ZNF787: variants seen among roughly 807,000 people sequenced by gnomAD.
ZNF787 encodes zinc finger protein 787.
Under a neutral mutation model 16.9 loss-of-function variants are expected in ZNF787, and 7 were observed. The observed-to-expected ratio is 0.42, with a 90% CI of 0.24 to 0.78. The LOEUF (loss-of-function observed/expected upper bound fraction) is 0.78. ZNF787 is among the 30% of genes least tolerant of loss of function. The probability of loss-of-function intolerance (pLI) is 0.30; values close to 1 mark genes in which losing one functional copy is unlikely to be tolerated. For synonymous variants in ZNF787, 345 were observed against 270.9 expected (o/e 1.27, Z -2.69); for missense variants, 551 against 589.3 (o/e 0.94, Z 0.67).
intron 1 of ZNF787, among the ~76,000 whole-genome samples, chr19:56,104,858 G>A (rs1220516028): frequency 1.3e-5 from 2 of 152,230 alleles, no homozygotes; most frequent in Non-Finnish European, 2.9e-5. Context: ...GCTGGATGCG[G>A]TGGCTCCCAC....
chr19:56,097,650 C>T (rs562545163), intron 2 of ZNF787, among the ~76,000 whole-genome samples: 23 of 152,358 alleles, frequency 1.5e-4, no homozygotes, highest in Admixed American at 1.2e-3. Context: ...CTATAAAATC[C>T]GTACGTTTCT....
At position 56,112,459 on chromosome 19, in the gene ZNF787, A is replaced by G. The variant is rs558210355; in HGVS notation, c.-11+8713T>C. Among the ~76,000 whole-genome samples, 47 of 152,136 alleles carry G rather than the reference A, an allele frequency of 3.1e-4. No homozygotes were observed. The East Asian group carries it at 3.3e-3, about 11-fold the overall frequency. On this transcript the variant is annotated intron_variant, in intron 1 of 2. Transcript: ENST00000610935. Reference sequence around the variant, plus strand: ...AGCCCTTGAGAGATCCAATTAGCACAAATGATTGTTATTATTGTTGTTATT... The same window carrying G: ...AGCCCTTGAGAGATCCAATTAGCACGAATGATTGTTATTATTGTTGTTATT...
At chr19:56,113,888 C>A (rs866409849) in intron 1 of ZNF787, among the ~76,000 whole-genome samples, 3 of 152,226 alleles carry the variant, frequency 2.0e-5, no homozygotes, top group African/African-American at 7.2e-5. Flanking sequence ...GGAGGGCAAT[C>A]GCACCATCTC....
At chr19:56,115,561 T>C (rs977618034) in intron 1 of ZNF787, among the ~76,000 whole-genome samples, 2 of 152,016 alleles carry the variant, frequency 1.3e-5, no homozygotes, top group Admixed American at 6.5e-5. Flanking sequence ...GGATTCACCA[T>C]GTTAGCCAGG....
rs1256856219 is a variant in ZNF787, at chr19:56,118,666, T to C, written c.-11+2506A>G. On this transcript the variant is annotated intron_variant, in intron 1 of 2. Coordinates refer to ENST00000610935, the MANE Select transcript of ZNF787 (RefSeq NM_001002836.4). ...CCTGCAAAGTGTGCACCAGCAAGTGTTGTCGAATCTGCAGTTTCTCACACC... is the reference window on the plus strand; with the variant it reads ...CCTGCAAAGTGTGCACCAGCAAGTGCTGTCGAATCTGCAGTTTCTCACACC... 7.2e-5 allele frequency among the ~76,000 whole-genome samples: 11 copies of C among 152,258 alleles called. No individual in the cohort carries two copies. In the East Asian group the frequency reaches 1.9e-3, roughly 27 times the overall value.
chr19:56,103,378 C>T (rs1350909767), intron 1 of ZNF787, 151 bp from the exon 2 acceptor site: 2 of 634,776 alleles, frequency 3.2e-6, no homozygotes, highest in Admixed American at 3.3e-5. Context: ...ACACCGAGAA[C>T]TGGCCTGGAG....
intron 1 of ZNF787, among the ~76,000 whole-genome samples, chr19:56,111,504 C>T (rs1342471961): frequency 6.6e-6 from 1 of 152,146 alleles, no homozygotes; most frequent in East Asian, 1.9e-4. Context: ...GACCCAGAGA[C>T]CTCCAGGAAA....
chr19:56,092,030 CGAAG>C lies in ZNF787; in HGVS notation c.80-2942_80-2939del, dbSNP rs1568523585. Among the ~76,000 whole-genome samples the C allele has an allele frequency of 9.9e-5, 15 of 151,366 alleles. No individual in the cohort carries two copies. In the East Asian group the frequency reaches 1.4e-3, roughly 14 times the overall value. On this transcript the variant is annotated intron_variant, in intron 2 of 2. Transcript: ENST00000610935. ...CCAAAGCCGAAACCGAAGCCGAAGC[CGAAG>C]CCGAAGCCGAAGCCTCACCCTCACC...
intron 2 of ZNF787, among the ~76,000 whole-genome samples, chr19:56,093,774 C>T (rs1489233380): frequency 6.6e-6 from 1 of 152,216 alleles, no homozygotes; most frequent in East Asian, 1.9e-4. Flanking sequence ...TGTTGACTTT[C>T]CAAGTCTTCC....
At chr19:56,094,059 T>C (rs1254493054) in intron 2 of ZNF787, among the ~76,000 whole-genome samples, 1 of 152,212 alleles carries the variant, frequency 6.6e-6, no homozygotes, top group East Asian at 1.9e-4. Flanking sequence ...AGTCTCACTT[T>C]GTCACCCAGG....
At chr19:56,104,729 G>A (rs73615733) in intron 1 of ZNF787, among the ~76,000 whole-genome samples, 2,438 of 152,240 alleles carry the variant, frequency 0.016, 64 homozygotes, top group African/African-American at 0.056. Flanking sequence ...GGTTCTCTAC[G>A]CACACCACCA....
chr19:56,115,421 C>G (rs935338271), intron 1 of ZNF787, among the ~76,000 whole-genome samples: 6 of 145,528 alleles, frequency 4.1e-5, no homozygotes, highest in African/African-American at 1.3e-4. Flanking sequence ...TGCAGTGGCG[C>G]GATCTCGGCT....
chr19:56,091,193 G>C (rs566345281), intron 2 of ZNF787, among the ~76,000 whole-genome samples: 3 of 152,276 alleles, frequency 2.0e-5, no homozygotes, highest in East Asian at 1.9e-4. Context: ...AGAAAGGGAC[G>C]GGCAGGAAAG....
At chr19:56,112,446 A>T (rs972871510) in intron 1 of ZNF787, among the ~76,000 whole-genome samples, 1 of 152,082 alleles carries the variant, frequency 6.6e-6, no homozygotes, top group South Asian at 2.1e-4. Flanking sequence ...CCCTTGAGAG[A>T]TCCAATTAGC....
intron 1 of ZNF787, among the ~76,000 whole-genome samples, chr19:56,111,815 A>G (rs1488706993): frequency 6.6e-6 from 1 of 152,146 alleles, no homozygotes; most frequent in Non-Finnish European, 1.5e-5. Flanking sequence ...CCGCGGTACC[A>G]GTCCTTGGCG....
chr19:56,107,293 C>T (rs1599953466), intron 1 of ZNF787, among the ~76,000 whole-genome samples: 1 of 152,130 alleles, frequency 6.6e-6, no homozygotes, highest in South Asian at 2.1e-4. Flanking sequence ...CCATCAGGCC[C>T]CAAGTCTATG....
chr19:56,113,304 TG>T (rs2030034020), intron 1 of ZNF787, among the ~76,000 whole-genome samples: 1 of 152,126 alleles, frequency 6.6e-6, no homozygotes, highest in South Asian at 2.1e-4. Flanking sequence ...AGGAAACACC[TG>T]GCAGTTAGTT....
At chr19:56,119,132 T>C (rs1187661724) in intron 1 of ZNF787, among the ~76,000 whole-genome samples, 2 of 152,022 alleles carry the variant, frequency 1.3e-5, no homozygotes, top group African/African-American at 2.4e-5. Context: ...GGAGCACCAC[T>C]CTACCTTGTG....
intron 2 of ZNF787, among the ~76,000 whole-genome samples, chr19:56,090,410 C>T (rs1985529113): frequency 1.3e-5 from 2 of 152,160 alleles, no homozygotes; most frequent in South Asian, 2.1e-4. Flanking sequence ...CCACTAACTG[C>T]GGCCGCCCAC....
Sources: allele counts gnomAD v4.1 joint callset (sites outside exome capture counted in the v4.1 genomes callset), GRCh38; gene constraint gnomAD v4.1.1; transcripts MANE v1.5; gene names NCBI Gene and HGNC (gene_info 2026-07-23, HGNC 2026-07-21).